The following ACOT11 variants were observed in gnomAD, a reference collection of about 807,000 sequenced individuals.
The protein encoded by ACOT11 is acyl-CoA thioesterase 11.
Under a neutral mutation model 77.5 loss-of-function variants are expected in ACOT11, and 69 were observed. That is an observed-to-expected ratio of 0.89 (90% confidence interval 0.73 to 1.09). The LOEUF is 1.09. Ranked by LOEUF, ACOT11 falls within the 50% of genes least tolerant of loss-of-function variation. ACOT11 has a pLI of 0.00. For missense variants in ACOT11, 766 were observed against 813.7 expected (o/e 0.94, Z 0.71); for synonymous variants, 279 against 313.0 (o/e 0.89, Z 1.15).
intron 15 of ACOT11, among the ~76,000 whole-genome samples, chr1:54,625,449 C>A (rs1450090569): frequency 6.6e-6 from 1 of 152,084 alleles, no homozygotes; most frequent in Non-Finnish European, 1.5e-5. Flanking sequence ...ACTCCAGGAT[C>A]CAAATGCTAA....
At chr1:54,601,134 TGCATACGTGTGTGTGTGTGC>T in intron 8 of ACOT11, 115 bp from the exon 9 acceptor site, 1 of 858,544 alleles carries the variant, frequency 1.2e-6, no homozygotes. Flanking sequence ...TGTATGTGTG[TGCATACGTGTGTGTGTGTGC>T]ATGCATGTGT....
chr1:54,607,276 A>G lies in ACOT11; in HGVS notation c.1502+11A>G. ...GCCTTGTGACAATGGGTGTGTGCCT[A>G]TCTGCTGTGGGGTGGGGGACACAAC... is the stretch of plus-strand genomic sequence containing the variant. On this transcript the variant is annotated intron_variant, in intron 14 of 15. Transcript: ENST00000343744. This position sits in a 1 kb window ranked among gnomAD's most constrained non-coding sequence, Gnocchi z 4.5. 6.2e-7 allele frequency: 1 copy of G among 1,613,952 alleles called. No individual in the cohort carries two copies. Among genetic ancestry groups the G allele is most frequent in the Non-Finnish European group, 8.5e-7 (1 of 1,179,946 alleles).
At position 54,601,250 on chromosome 1, in the gene ACOT11, C is replaced by G; in HGVS notation, c.885-19C>G. ...TGGGAAGGTCTGTCCAGGTTGGAAG[C>G]CACACTCCCTCCCCTCAGCATGGAG... On this transcript the variant is annotated intron_variant, in intron 8 of 15. Transcript: ENST00000343744. 4 of 1,604,896 alleles carry G rather than the reference C, an allele frequency of 2.5e-6. No homozygotes were observed. Among genetic ancestry groups the G allele is most frequent in the Non-Finnish European group, 3.4e-6 (4 of 1,178,498 alleles).
chr1:54,600,511 C>T (rs777957656), intron 8 of ACOT11, among the ~76,000 whole-genome samples: 49 of 152,146 alleles, frequency 3.2e-4, no homozygotes, highest in South Asian at 2.1e-4. Context: ...GGCGAAACCC[C>T]GTCTCTATTA....
chr1:54,623,348 A>G (rs1319670389), intron 15 of ACOT11: 2 of 1,613,744 alleles, frequency 1.2e-6, no homozygotes, highest in Non-Finnish European at 8.5e-7. Context: ...TAATGCCGGC[A>G]AACACCCACT....
chr1:54,575,304 C>T (rs779381532), intron 1 of ACOT11, among the ~76,000 whole-genome samples: 18 of 152,220 alleles, frequency 1.2e-4, no homozygotes, highest in Non-Finnish European at 1.6e-4. Context: ...GAAATGCCCT[C>T]CCTACTCCCC....
chr1:54,613,718 CT>C (rs1644142435), downstream of ACOT11, among the ~76,000 whole-genome samples: 1 of 152,218 alleles, frequency 6.6e-6, no homozygotes, highest in Admixed American at 6.5e-5. Context: ...AAAAACCCTA[CT>C]GAGTAAAATT....
At chr1:54,601,982 CCG>C (rs1643969807) in intron 9 of ACOT11, among the ~76,000 whole-genome samples, 1 of 152,256 alleles carries the variant, frequency 6.6e-6, no homozygotes. Context: ...CTTGGAGAGG[CCG>C]CTCCCTCCCT....
At chr1:54,587,412 G>A (rs1654542438) in intron 3 of ACOT11, among the ~76,000 whole-genome samples, 1 of 151,790 alleles carries the variant, frequency 6.6e-6, no homozygotes, top group African/African-American at 2.4e-5. Flanking sequence ...TACTCGGGAG[G>A]CTGAGGCAGA....
At chr1:54,610,629 T>C (rs1174092278), downstream of ACOT11, 1 of 1,563,884 alleles carries the variant, frequency 6.4e-7, no homozygotes, top group Non-Finnish European at 8.7e-7. Flanking sequence ...TAGGGTCCCA[T>C]AGGCCACAGC....
intron 1 of ACOT11, among the ~76,000 whole-genome samples, chr1:54,567,354 C>T (rs946202994): frequency 6.6e-6 from 1 of 151,296 alleles, no homozygotes; most frequent in Non-Finnish European, 1.5e-5. Context: ...TCTAGGCTCA[C>T]TGCAACCTCT....
At chr1:54,586,626 G>T (rs953810433) in intron 3 of ACOT11, among the ~76,000 whole-genome samples, 1 of 152,010 alleles carries the variant, frequency 6.6e-6, no homozygotes, top group Non-Finnish European at 1.5e-5. Flanking sequence ...TAGAGACGGG[G>T]TTTCGCCATG....
chr1:54,596,658 C>T (rs1654909280), intron 6 of ACOT11, among the ~76,000 whole-genome samples: 1 of 152,222 alleles, frequency 6.6e-6, no homozygotes, highest in African/African-American at 2.4e-5. Flanking sequence ...ACTGCAACCT[C>T]TGCCTCCCAG....
intron 13 of ACOT11, among the ~76,000 whole-genome samples, chr1:54,605,999 C>T (rs989562031): frequency 3.3e-5 from 5 of 152,150 alleles, no homozygotes; most frequent in East Asian, 3.8e-4. Context: ...AAATTCAGTC[C>T]GCTGGTCACT....
At position 54,609,485 on chromosome 1, in the gene ACOT11, G is replaced by A. The variant is rs763297462; in HGVS notation, c.*373G>A. 2.5e-6 allele frequency: 4 copies of A among 1,613,326 alleles called. No homozygotes were observed. The African/African-American group carries it at 4.0e-5, about 16-fold the overall frequency. On this transcript the variant is annotated 3_prime_UTR_variant, in exon 16 of 16. Coordinates refer to ENST00000343744, the MANE Select transcript of ACOT11 (RefSeq NM_147161.4). ...AGCTGTGCTGTGGCCCAGCAGCATGGCCTGCATCTGGAAGGACACAGGTTG... is the reference window on the plus strand; with the variant it reads ...AGCTGTGCTGTGGCCCAGCAGCATGACCTGCATCTGGAAGGACACAGGTTG...
At chr1:54,572,576 G>A (rs12406758) in intron 1 of ACOT11, among the ~76,000 whole-genome samples, 8,188 of 152,244 alleles carry the variant, frequency 0.054, 669 homozygotes, top group African/African-American at 0.17. Context: ...CTGAGGGGGG[G>A]GGTCACACGG....
At chr1:54,610,444 C>T (rs767962722), downstream of ACOT11, 1 of 1,613,636 alleles carries the variant, frequency 6.2e-7, no homozygotes, top group Non-Finnish European at 8.5e-7. Flanking sequence ...TTTACCGCTG[C>T]CCTGGACGTC....
chr1:54,563,468 T>C (rs1312105117), intron 1 of ACOT11, among the ~76,000 whole-genome samples: 1 of 152,230 alleles, frequency 6.6e-6, no homozygotes, highest in Non-Finnish European at 1.5e-5. Flanking sequence ...TGAGGATGAA[T>C]GGTGTTATGG....
At chr1:54,601,984 G>A (rs1003423222) in intron 9 of ACOT11, among the ~76,000 whole-genome samples, 4 of 152,234 alleles carry the variant, frequency 2.6e-5, no homozygotes, top group Non-Finnish European at 4.4e-5. Flanking sequence ...TGGAGAGGCC[G>A]CTCCCTCCCT....
Sources: gnomAD v4.1 joint callset for allele counts (sites outside exome capture counted in the v4.1 genomes callset) on GRCh38, gnomAD v4.1.1 for gene constraint, Gnocchi (gnomAD v3.1) non-coding constraint, MANE v1.5 for transcripts, NCBI Gene and HGNC (gene_info 2026-07-23, HGNC 2026-07-21) for gene names.